Variants in TNKS observed in about 807,000 individuals in gnomAD.
TNKS encodes poly [ADP-ribose] polymerase tankyrase-1.
TNKS carries 72 observed loss-of-function variants against 135.8 expected under a neutral mutation model. That is an observed-to-expected ratio of 0.53 (90% CI 0.44 to 0.64). TNKS has a LOEUF of 0.64. TNKS is among the 30% of genes least tolerant of loss of function. TNKS has a pLI of 0.00. For missense variants in TNKS, 1,769 were observed against 1,674.0 expected (o/e 1.06, Z -0.99); for synonymous variants, 849 against 649.3 (o/e 1.31, Z -4.68).
At chr8:9,708,552 T>G in intron 9 of TNKS, 60 bp downstream of exon 9, 2 of 1,370,006 alleles carry the variant, frequency 1.5e-6, no homozygotes, top group South Asian at 4.1e-5. Flanking sequence ...GCACAAAATA[T>G]GATTTTCATT....
intron 3 of TNKS, among the ~76,000 whole-genome samples, chr8:9,667,028 C>G (rs1353987933): frequency 6.6e-6 from 1 of 151,960 alleles, no homozygotes; most frequent in African/African-American, 2.4e-5. Flanking sequence ...CTTGAGTGTT[C>G]CGATTTTTAT....
At chr8:9,643,635 G>A (rs1044083962) in intron 3 of TNKS, among the ~76,000 whole-genome samples, 3 of 152,108 alleles carry the variant, frequency 2.0e-5, no homozygotes, top group African/African-American at 7.2e-5. Flanking sequence ...TATTGGCAAG[G>A]ATGAGGTGAA....
intron 16 of TNKS, 51 bp from the exon 17 acceptor site, chr8:9,735,324 ATT>A (rs1413361309): frequency 1.3e-6 from 2 of 1,506,004 alleles, no homozygotes; most frequent in African/African-American, 2.8e-5. Flanking sequence ...ATATGTATGT[ATT>A]TTTTTTCCTT....
chr8:9,752,996 T>C (rs1474707706), intron 20 of TNKS, among the ~76,000 whole-genome samples: 1 of 151,672 alleles, frequency 6.6e-6, no homozygotes, highest in East Asian at 1.9e-4. Context: ...GACTTATTAA[T>C]TGCCACCCAC....
chr8:9,645,378 A>T (rs1039177281), intron 3 of TNKS, among the ~76,000 whole-genome samples: 1 of 152,216 alleles, frequency 6.6e-6, no homozygotes, highest in African/African-American at 2.4e-5. Flanking sequence ...CAGAGATGTT[A>T]GTAAACAGTT....
At chr8:9,692,211 A>G (rs1400014393) in intron 5 of TNKS, among the ~76,000 whole-genome samples, 3 of 152,154 alleles carry the variant, frequency 2.0e-5, no homozygotes, top group Non-Finnish European at 4.4e-5. Context: ...TCCCCTCTCA[A>G]GCAGTCCCCG....
chr8:9,726,031 C>A (rs968772007), intron 12 of TNKS, among the ~76,000 whole-genome samples: 4 of 152,154 alleles, frequency 2.6e-5, no homozygotes, highest in Admixed American at 1.3e-4. Flanking sequence ...TTTAGTAGCC[C>A]TTTTCTGTTC....
intron 20 of TNKS, among the ~76,000 whole-genome samples, chr8:9,754,876 C>T (rs1027664109): frequency 6.6e-6 from 1 of 152,132 alleles, no homozygotes; most frequent in Non-Finnish European, 1.5e-5. Flanking sequence ...TTGGAGCTTT[C>T]TTAGGACAAT....
chr8:9,707,384 G>C lies in TNKS; in HGVS notation c.1456+387G>C, dbSNP rs571255257. ...CATTCTTGTGCTATTGACAGTGATAGGTATCTAGCATTATTGAAACCTCTT... is the reference window on the plus strand; with the variant it reads ...CATTCTTGTGCTATTGACAGTGATACGTATCTAGCATTATTGAAACCTCTT... On this transcript the variant is annotated intron_variant, in intron 8 of 26. Coordinates refer to ENST00000310430, the MANE Select transcript of TNKS (RefSeq NM_003747.3). Among the ~76,000 whole-genome samples the C allele has an allele frequency of 5.3e-5, 8 of 152,212 alleles. No homozygotes were observed. The East Asian group carries it at 1.4e-3, about 26-fold the overall frequency.
intron 1 of TNKS, among the ~76,000 whole-genome samples, chr8:9,566,760 C>T (rs951522464): frequency 1.3e-5 from 2 of 151,534 alleles, no homozygotes; most frequent in Non-Finnish European, 2.9e-5. Context: ...AGGCGCCCGC[C>T]ACCGCGCCCG....
intron 1 of TNKS, among the ~76,000 whole-genome samples, chr8:9,573,480 G>A (rs114506795): frequency 8.2e-4 from 125 of 152,286 alleles, no homozygotes; most frequent in African/African-American, 2.8e-3. Flanking sequence ...TTCAGTTTAC[G>A]TATCCAGTTA....
At chr8:9,672,650 A>G (rs1336140481) in intron 3 of TNKS, among the ~76,000 whole-genome samples, 1 of 125,140 alleles carries the variant, frequency 8.0e-6, no homozygotes, top group Non-Finnish European at 1.7e-5. Flanking sequence ...AGACACTGTG[A>G]TGGTAAAAAA....
intron 5 of TNKS, among the ~76,000 whole-genome samples, chr8:9,690,915 T>G (rs955174668): frequency 6.6e-6 from 1 of 152,208 alleles, no homozygotes; most frequent in Non-Finnish European, 1.5e-5. Flanking sequence ...GAATCTTACT[T>G]GGATGGGGAC....
intron 3 of TNKS, among the ~76,000 whole-genome samples, chr8:9,644,434 G>T (rs1465514769): frequency 2.0e-5 from 3 of 152,100 alleles, no homozygotes; most frequent in South Asian, 4.1e-4. Context: ...TTTGATATTT[G>T]CATGCTGCTA....
At chr8:9,775,476 T>TATATAC (rs1808178384) in intron 26 of TNKS, among the ~76,000 whole-genome samples, 1 of 131,774 alleles carries the variant, frequency 7.6e-6, no homozygotes, top group South Asian at 2.3e-4. Flanking sequence ...TATATATATA[T>TATATAC]ATATATATAT....
intron 1 of TNKS, among the ~76,000 whole-genome samples, chr8:9,567,479 G>A (rs375187173): frequency 2.0e-5 from 3 of 152,078 alleles, no homozygotes; most frequent in African/African-American, 7.2e-5. Context: ...GCAGTGGCGC[G>A]ATCTTGGCTC....
chr8:9,565,419 G>A (rs1451781692), intron 1 of TNKS, among the ~76,000 whole-genome samples: 2 of 152,014 alleles, frequency 1.3e-5, no homozygotes, highest in African/African-American at 4.8e-5. Flanking sequence ...TTCTTCTTTG[G>A]TATATTTTCT....
intron 20 of TNKS, 44 bp from the exon 21 acceptor site, chr8:9,761,472 A>C (rs1807144932): frequency 1.2e-6 from 2 of 1,604,096 alleles, no homozygotes; most frequent in Non-Finnish European, 1.7e-6. Flanking sequence ...TGTCCTCTTA[A>C]GAACTGTTAA....
At chr8:9,748,758 C>T (rs1245336040) in intron 18 of TNKS, among the ~76,000 whole-genome samples, 1 of 152,156 alleles carries the variant, frequency 6.6e-6, no homozygotes, top group Non-Finnish European at 1.5e-5. Context: ...TGCTGCGTAA[C>T]AAACTGTTTC....
Sources: allele counts gnomAD v4.1 joint callset (sites outside exome capture counted in the v4.1 genomes callset), GRCh38; gene constraint gnomAD v4.1.1; transcripts MANE v1.5; gene names NCBI Gene and HGNC (gene_info 2026-07-23, HGNC 2026-07-21).